Variants in NDST3 observed in about 807,000 individuals in gnomAD.
NDST3 encodes the protein bifunctional heparan sulfate N-deacetylase/N-sulfotransferase 3.
In NDST3, 58 loss-of-function variants were observed where a neutral mutation model predicts 96.1. The observed-to-expected ratio is 0.60, with a 90% CI of 0.49 to 0.75. The LOEUF is 0.75. Among genes scored for constraint, NDST3 ranks in the 30% least tolerant of loss-of-function variants. NDST3 has a pLI of 0.00. For synonymous variants in NDST3, 333 were observed against 359.7 expected (o/e 0.93, Z 0.84); for missense variants, 788 against 1,034.2 (o/e 0.76, Z 3.27).
chr4:118,218,857 A>G (rs1241704218), intron 6 of NDST3, among the ~76,000 whole-genome samples: 1 of 152,196 alleles, frequency 6.6e-6, no homozygotes, highest in Non-Finnish European at 1.5e-5. Context: ...AGGATACAAA[A>G]TCAATGTGCA....
chr4:118,243,551 T>C (rs1254345134), intron 12 of NDST3, among the ~76,000 whole-genome samples: 1 of 152,238 alleles, frequency 6.6e-6, no homozygotes, highest in Non-Finnish European at 1.5e-5. Flanking sequence ...AACATTCAAC[T>C]TGACCTTAAA....
intron 8 of NDST3, among the ~76,000 whole-genome samples, chr4:118,230,245 G>A (rs1247350757): frequency 6.6e-6 from 1 of 152,132 alleles, no homozygotes; most frequent in East Asian, 1.9e-4. Context: ...AAGGGTGGTT[G>A]CCAGAGCAGC....
intron 3 of NDST3, among the ~76,000 whole-genome samples, chr4:118,107,375 CTG>C (rs1486590603): frequency 6.6e-6 from 1 of 152,050 alleles, no homozygotes; most frequent in Non-Finnish European, 1.5e-5. Context: ...AAGCATTACT[CTG>C]TATTTTTAGA....
At chr4:118,184,161 G>A (rs778618593) in intron 6 of NDST3, among the ~76,000 whole-genome samples, 1 of 152,158 alleles carries the variant, frequency 6.6e-6, no homozygotes, top group Non-Finnish European at 1.5e-5. Context: ...ATTGCACATG[G>A]CACTGAAGAA....
chr4:118,038,156 A>G (rs560435784), intron 1 of NDST3, among the ~76,000 whole-genome samples: 2 of 152,228 alleles, frequency 1.3e-5, no homozygotes, highest in Admixed American at 6.5e-5. Flanking sequence ...GTCAGCACTC[A>G]CATATGTCAT....
chr4:118,135,576 G>A (rs1733008842), intron 4 of NDST3, among the ~76,000 whole-genome samples: 1 of 152,072 alleles, frequency 6.6e-6, no homozygotes, highest in African/African-American at 2.4e-5. Flanking sequence ...GCATTTTAGA[G>A]AACAGGAAAC....
At chr4:118,255,525 C>A in intron 13 of NDST3, 68 bp from the exon 14 acceptor site, 3 of 1,448,324 alleles carry the variant, frequency 2.1e-6, no homozygotes, top group South Asian at 2.7e-5. Context: ...CTTATTTCAA[C>A]GTAGTCAAAG....
intron 2 of NDST3, among the ~76,000 whole-genome samples, chr4:118,085,150 G>A (rs1728323616): frequency 6.6e-6 from 1 of 150,548 alleles, no homozygotes; most frequent in South Asian, 2.1e-4. Flanking sequence ...CAACTGGAAT[G>A]AAAACCAATA....
intron 2 of NDST3, among the ~76,000 whole-genome samples, chr4:118,079,748 T>C (rs892491893): frequency 2.0e-5 from 3 of 152,142 alleles, no homozygotes; most frequent in African/African-American, 7.2e-5. Context: ...GAATGGACTG[T>C]AGAAAAATAA....
At chr4:118,181,509 G>T (rs1391817072) in intron 6 of NDST3, among the ~76,000 whole-genome samples, 1 of 152,144 alleles carries the variant, frequency 6.6e-6, no homozygotes, top group Non-Finnish European at 1.5e-5. Flanking sequence ...ATGAGTTTGA[G>T]AAGCTTCAAT....
chr4:118,197,679 T>C (rs955185192), intron 6 of NDST3, among the ~76,000 whole-genome samples: 6 of 149,378 alleles, frequency 4.0e-5, no homozygotes, highest in Non-Finnish European at 5.9e-5. Flanking sequence ...TCCATCCCTT[T>C]ATTTTCCATG....
intron 6 of NDST3, among the ~76,000 whole-genome samples, chr4:118,148,389 C>T (rs28507199): frequency 0.035 from 5,400 of 152,256 alleles, 142 homozygotes; most frequent in African/African-American, 0.072. Context: ...TTCATCAAAC[C>T]ATTAACCATC....
At chr4:118,149,689 T>G in intron 6 of NDST3, among the ~76,000 whole-genome samples, 1 of 150,458 alleles carries the variant, frequency 6.6e-6, no homozygotes, top group Non-Finnish European at 1.5e-5. Flanking sequence ...TATACAATCA[T>G]GTCGTCTGCA....
intron 2 of NDST3, among the ~76,000 whole-genome samples, chr4:118,100,830 A>G (rs1026946570): frequency 1.3e-5 from 2 of 152,178 alleles, no homozygotes; most frequent in Non-Finnish European, 2.9e-5. Flanking sequence ...TGGGAATAAT[A>G]ATCTCTAGTA....
intron 2 of NDST3, 165 bp downstream of exon 2, chr4:118,055,056 T>A: frequency 1.2e-6 from 1 of 802,692 alleles, no homozygotes; most frequent in Non-Finnish European, 2.0e-6. Flanking sequence ...GAAGATTATG[T>A]ATTTCTATCT....
At chr4:118,200,128 G>A (rs961131806) in intron 6 of NDST3, among the ~76,000 whole-genome samples, 6 of 152,192 alleles carry the variant, frequency 3.9e-5, no homozygotes, top group Non-Finnish European at 8.8e-5. Context: ...CTTCCCTTGA[G>A]GGTGATGAGT....
intron 6 of NDST3, among the ~76,000 whole-genome samples, chr4:118,215,412 A>G (rs1471275012): frequency 6.6e-6 from 1 of 152,068 alleles, no homozygotes; most frequent in Non-Finnish European, 1.5e-5. Flanking sequence ...GCTATTGCTT[A>G]CCTTTTGGAA....
chr4:118,246,681 G>A (rs539505980), intron 12 of NDST3, among the ~76,000 whole-genome samples: 1 of 152,148 alleles, frequency 6.6e-6, no homozygotes, highest in African/African-American at 2.4e-5. Flanking sequence ...AAGGCCTCAG[G>A]AAACTTACAG....
chr4:118,088,914 C>A (rs1488329832), intron 2 of NDST3, among the ~76,000 whole-genome samples: 1 of 151,780 alleles, frequency 6.6e-6, no homozygotes, highest in East Asian at 1.9e-4. Context: ...TCATTAGAGT[C>A]CCCTTAAGAT....
Sources: gnomAD v4.1 joint callset for allele counts (sites outside exome capture counted in the v4.1 genomes callset) on GRCh38, gnomAD v4.1.1 for gene constraint, MANE v1.5 for transcripts, NCBI Gene and HGNC (gene_info 2026-07-23, HGNC 2026-07-21) for gene names.